TSPAN14: variants seen among roughly 807,000 people sequenced by gnomAD.
TSPAN14 encodes tetraspanin 14.
Under a neutral mutation model 36.6 loss-of-function variants are expected in TSPAN14, and 16 were observed. The observed-to-expected ratio is 0.44, with a 90% confidence interval of 0.30 to 0.66. The LOEUF (loss-of-function observed/expected upper bound fraction) is 0.66, where lower values mean the gene tolerates loss of function less well. Among genes scored for constraint, TSPAN14 ranks in the 30% least tolerant of loss-of-function variants. TSPAN14 has a pLI of 0.12. For missense variants in TSPAN14, 231 were observed against 355.1 expected, an observed-to-expected ratio of 0.65 and a Z score of 2.81; for synonymous variants, 139 against 143.8, an observed-to-expected ratio of 0.97 and a Z score of 0.24.
chr10:80,509,712 G>T lies in TSPAN14; in HGVS notation c.450+241G>T. 4.0e-6 allele frequency: 2 copies of T among 497,840 alleles called. No homozygotes were observed. Among genetic ancestry groups the T allele is most frequent in the Admixed American group, 3.8e-5 (1 of 26,646 alleles). 30.8% of individuals were successfully genotyped at this position (497,840 alleles called of 1,614,324 possible). A position where few individuals can be genotyped will look rare whatever the true frequency, so the allele number is the denominator to read the frequency against. On this transcript the variant is annotated intron_variant, in intron 5 of 8. Transcript: ENST00000429989. This position sits in a 1 kb window ranked among gnomAD's most constrained non-coding sequence, Gnocchi z 4.7. ...GGCAGGCAAGTCCAGCTGTACCCGA[G>T]GCCACCCACCCCCCACGTGCCCGGC...
chr10:80,504,164 G>C (rs1207393391), intron 2 of TSPAN14, among the ~76,000 whole-genome samples: 1 of 152,226 alleles, frequency 6.6e-6, no homozygotes, highest in Non-Finnish European at 1.5e-5. Context: ...CAGTAGGGAG[G>C]AGGCTCAGCC....
intron 1 of TSPAN14, among the ~76,000 whole-genome samples, chr10:80,476,076 A>G (rs2131983067): frequency 6.6e-6 from 1 of 152,316 alleles, no homozygotes; most frequent in South Asian, 2.1e-4. Flanking sequence ...AATATCTAAT[A>G]CAATGTAAAG....
exon 9 of TSPAN14, chr10:80,519,710 A>G (rs1347789272): frequency 6.6e-6 from 1 of 152,354 alleles, no homozygotes; most frequent in Non-Finnish European, 1.5e-5. Flanking sequence ...CTGCCAGAGG[A>G]ACCAAGGGAT....
At chr10:80,475,207 A>C (rs2131981064) in intron 1 of TSPAN14, among the ~76,000 whole-genome samples, 1 of 152,314 alleles carries the variant, frequency 6.6e-6, no homozygotes. Context: ...AGGGAGTGTC[A>C]GTGTTGCAGT....
chr10:80,486,634 G>C lies in TSPAN14; in HGVS notation c.-17-2583G>C, dbSNP rs1434847823. Among the ~76,000 whole-genome samples the C allele has an allele frequency of 2.6e-5, 4 of 152,192 alleles. No homozygotes were observed. In the East Asian group the frequency reaches 7.7e-4, roughly 29 times the overall value. On this transcript the variant is annotated intron_variant, in intron 1 of 8. Coordinates refer to ENST00000429989, the Ensembl canonical transcript of TSPAN14. The stretch of plus-strand genomic sequence containing the variant: ...CTCGCACCAGCCCTCCTTAGTTCCT[G>C]AGGCCCAGCTCCCTGGAGGGCACAG...
intron 1 of TSPAN14, among the ~76,000 whole-genome samples, chr10:80,478,531 C>G (rs1273126115): frequency 6.6e-6 from 1 of 152,070 alleles, no homozygotes; most frequent in African/African-American, 2.4e-5. Flanking sequence ...GAAGGCAGAC[C>G]CAGACTAGTA....
At chr10:80,476,109 C>T (rs547007835) in intron 1 of TSPAN14, among the ~76,000 whole-genome samples, 8 of 152,232 alleles carry the variant, frequency 5.3e-5, no homozygotes, top group Admixed American at 3.3e-4. Flanking sequence ...CGGGGGCTCA[C>T]GCTTATAATA....
chr10:80,482,063 C>T (rs1198144826), intron 1 of TSPAN14, among the ~76,000 whole-genome samples: 1 of 152,112 alleles, frequency 6.6e-6, no homozygotes, highest in Non-Finnish European at 1.5e-5. Context: ...TACATGCAGA[C>T]AGTTCTAAGA....
At chr10:80,512,667 G>C (rs1840722814) in intron 6 of TSPAN14, among the ~76,000 whole-genome samples, 1 of 152,136 alleles carries the variant, frequency 6.6e-6, no homozygotes, top group Non-Finnish European at 1.5e-5. Context: ...CTGGGGAACA[G>C]TAGTGGAGAA....
chr10:80,470,192 TCTC>T (rs1377914760), intron 1 of TSPAN14, among the ~76,000 whole-genome samples: 1 of 152,198 alleles, frequency 6.6e-6, no homozygotes, highest in Non-Finnish European at 1.5e-5. Flanking sequence ...TTCAAGCAAT[TCTC>T]CTGTCTCAGC....
At chr10:80,511,939 C>CT (rs1332989566) in intron 5 of TSPAN14, among the ~76,000 whole-genome samples, 1 of 152,068 alleles carries the variant, frequency 6.6e-6, no homozygotes, top group Non-Finnish European at 1.5e-5. Context: ...GCCTGAGCTA[C>CT]TACGCCTAGC....
exon 9 of TSPAN14, chr10:80,520,704 CTT>C (rs1564753975): frequency 3.7e-6 from 2 of 533,510 alleles, no homozygotes; most frequent in Admixed American, 3.9e-5. Context: ...CCCTCCCTTT[CTT>C]TCCCAGGCAG....
chr10:80,455,915 CCCTGGAAACCCAGGG>C (rs1228611851), intron 1 of TSPAN14, among the ~76,000 whole-genome samples: 1 of 152,160 alleles, frequency 6.6e-6, no homozygotes, highest in East Asian at 1.9e-4. Context: ...TAGTGACAGG[CCCTGGAAACCCAGGG>C]CCACCAGATG....
At chr10:80,473,650 T>C (rs1372602481) in intron 1 of TSPAN14, among the ~76,000 whole-genome samples, 1 of 151,788 alleles carries the variant, frequency 6.6e-6, no homozygotes, top group Non-Finnish European at 1.5e-5. Context: ...GTCAAACTTC[T>C]TCACTCCAGT....
At chr10:80,502,629 A>C (rs1480547843) in intron 2 of TSPAN14, among the ~76,000 whole-genome samples, 3 of 151,764 alleles carry the variant, frequency 2.0e-5, no homozygotes, top group African/African-American at 7.3e-5. Flanking sequence ...GTGCCACTGA[A>C]TGAGACGGAG....
At chr10:80,501,438 C>T (rs1377257432) in intron 2 of TSPAN14, among the ~76,000 whole-genome samples, 1 of 152,110 alleles carries the variant, frequency 6.6e-6, no homozygotes, top group Non-Finnish European at 1.5e-5. Flanking sequence ...ATGTGGGAAA[C>T]AATACCCTTA....
chr10:80,482,979 C>A (rs912876970), intron 1 of TSPAN14, among the ~76,000 whole-genome samples: 2 of 152,194 alleles, frequency 1.3e-5, no homozygotes, highest in African/African-American at 4.8e-5. Flanking sequence ...AGGTGATCCA[C>A]CTGTCTCAGC....
chr10:80,462,358 A>ATGGAATGGGGTGGGG (rs1846020537), intron 1 of TSPAN14, among the ~76,000 whole-genome samples: 4 of 77,586 alleles, frequency 5.2e-5, no homozygotes, highest in African/African-American at 1.6e-4. Context: ...ATGGGGTGGG[A>ATGGAATGGGGTGGGG]TGGGATGGGA....
chr10:80,507,203 G>T (rs528695872), intron 3 of TSPAN14, 25 bp from the exon 4 acceptor site: 1 of 1,614,094 alleles, frequency 6.2e-7, no homozygotes, highest in African/African-American at 1.3e-5. Flanking sequence ...GGCCAGTGCT[G>T]CCCTGCTTTC....
Sources: gnomAD v4.1 joint callset for allele counts (sites outside exome capture counted in the v4.1 genomes callset) on GRCh38, gnomAD v4.1.1 for gene constraint, Gnocchi (gnomAD v3.1) non-coding constraint, MANE v1.5 for transcripts, NCBI Gene and HGNC (gene_info 2026-07-23, HGNC 2026-07-21) for gene names.